The following RNFT2 variants were observed in gnomAD, a reference collection of about 807,000 sequenced individuals.
RNFT2 encodes E3 ubiquitin-protein ligase RNFT2.
Under a neutral mutation model 53.0 loss-of-function variants are expected in RNFT2, and 36 were observed. That is an observed-to-expected ratio of 0.68 (90% CI 0.52 to 0.90). The LOEUF (loss-of-function observed/expected upper bound fraction) is 0.90, where lower values mean the gene tolerates loss of function less well. Among genes scored for constraint, RNFT2 ranks in the 40% least tolerant of loss-of-function variants. The pLI is 0.00. For missense variants in RNFT2, 514 were observed against 585.6 expected, an observed-to-expected ratio of 0.88 and a Z score of 1.26; for synonymous variants, 260 against 253.2, an observed-to-expected ratio of 1.03 and a Z score of -0.26.
Position 116,810,555 on chromosome 12 carries a change from G to A in RNFT2, c.883-23237G>A, listed in dbSNP as rs147227760. 7.4e-3 allele frequency among the ~76,000 whole-genome samples: 1,126 copies of A among 152,250 alleles called. 10 individuals carry two copies. The highest frequency in any genetic ancestry group is 0.027 in the South Asian group (128 of 4,818). Reference sequence around the variant, plus strand: ...ATGAATTTGCTCACAGGGCAAAGCAGGGAGACTCACGTTCTTGGCTCCGAG... The same window carrying A: ...ATGAATTTGCTCACAGGGCAAAGCAAGGAGACTCACGTTCTTGGCTCCGAG... On this transcript the variant is annotated intron_variant, in intron 7 of 10. Coordinates refer to ENST00000257575, the MANE Select transcript of RNFT2 (RefSeq NM_001382266.1).
At chr12:116,743,244 ACCG>A (rs372135550) in intron 3 of RNFT2, among the ~76,000 whole-genome samples, 704 of 61,278 alleles carry the variant, frequency 0.011, 163 homozygotes, top group East Asian at 0.02. Context: ...AAAAAAAAAA[ACCG>A]GTTAAAAAAC....
Position 116,836,244 on chromosome 12 carries a change from CA to C in RNFT2, c.1163del (p.Gln388ArgfsTer8). ...TEAGDICAIC[Q>X]AEFREPLILL... ...AGCTGGTGACATCTGCGCCATCTGT[CA>C]GGCCGAGTTCCGAGAGCCTCTGATT... On this transcript the variant is annotated frameshift_variant, in exon 10 of 11. Transcript: ENST00000257575. LOFTEE classifies it high-confidence loss of function. 8 of 1,588,900 alleles carry C rather than the reference CA, an allele frequency of 5.0e-6. No homozygotes were observed. Among genetic ancestry groups the C allele is most frequent in the Non-Finnish European group, 6.9e-6 (8 of 1,167,660 alleles).
Position 116,853,047 on chromosome 12 carries a change from A to G in RNFT2, c.*3599A>G, listed in dbSNP as rs1878001309. On this transcript the variant is annotated 3_prime_UTR_variant, in exon 11 of 11. Coordinates refer to ENST00000257575, the MANE Select transcript of RNFT2 (RefSeq NM_001382266.1). ...TTAGGATTTTATTAGTGCATGCCCTACCCTCTGGGGGAACGTCCCATCTGA... is the reference window on the plus strand; with the variant it reads ...TTAGGATTTTATTAGTGCATGCCCTGCCCTCTGGGGGAACGTCCCATCTGA... 4.7e-6 allele frequency: 2 copies of G among 423,280 alleles called. No homozygotes were observed. Among genetic ancestry groups the G allele is most frequent in the Admixed American group, 4.1e-5 (1 of 24,232 alleles). The allele number at this position is 423,280 out of a possible 1,614,324, so 26.2% of individuals were successfully genotyped here. A position where few individuals can be genotyped will look rare whatever the true frequency, so the allele number is the denominator to read the frequency against.
At chr12:116,803,383 T>C (rs1874895622) in intron 7 of RNFT2, among the ~76,000 whole-genome samples, 1 of 152,230 alleles carries the variant, frequency 6.6e-6, no homozygotes, top group Non-Finnish European at 1.5e-5. Flanking sequence ...TTATAAAATA[T>C]TTCAACTATA....
chr12:116,754,041 G>A lies in RNFT2; in HGVS notation c.608G>A (p.Arg203Gln), dbSNP rs371710601. 1.5e-4 allele frequency: 239 copies of A among 1,613,606 alleles called. No homozygotes were observed. The highest frequency in any genetic ancestry group is 1.8e-4 in the Non-Finnish European group (213 of 1,179,816). ...TTCGCCTATGCCAACTCCACGCTTC[G>A]AGAACAGGTCTCACTGAAGGTGAGT... Reference protein sequence around the residue: ...STFAYANSTLREQVSLKEKRS... With the variant: ...STFAYANSTLQEQVSLKEKRS... The change falls in exon 5 of 11, where the codon CGA becomes CAA. Residue 203 changes from arginine (R) to glutamine (Q), a missense_variant. Arg to Gln is a conservative substitution (Grantham distance 43). Transcript: ENST00000257575.
chr12:116,825,926 G>A (rs61936726), intron 7 of RNFT2, among the ~76,000 whole-genome samples: 4,620 of 152,042 alleles, frequency 0.03, 108 homozygotes, highest in Non-Finnish European at 0.048. Context: ...GAAAAAATGT[G>A]TATAAAAGAG....
chr12:116,749,096 C>A (rs752083385), intron 3 of RNFT2, among the ~76,000 whole-genome samples: 2 of 152,234 alleles, frequency 1.3e-5, no homozygotes, highest in Non-Finnish European at 2.9e-5. Flanking sequence ...AAGTACCACA[C>A]CCCAGGGGGC....
intron 7 of RNFT2, among the ~76,000 whole-genome samples, chr12:116,798,003 A>G (rs1874586449): frequency 6.6e-6 from 1 of 152,156 alleles, no homozygotes; most frequent in South Asian, 2.1e-4. Flanking sequence ...TCCCTGTTCT[A>G]GCTAGCTCTC....
chr12:116,832,898 C>CTTTTTTTT (rs71095601), intron 7 of RNFT2, among the ~76,000 whole-genome samples: 16 of 84,772 alleles, frequency 1.9e-4, no homozygotes, highest in African/African-American at 2.4e-4. Context: ...AAGTCGTGTT[C>CTTTTTTTT]TTTTTTTTTT....
intron 10 of RNFT2, among the ~76,000 whole-genome samples, chr12:116,840,922 C>CTGTGTGTG (rs34358849): frequency 2.7e-5 from 4 of 149,020 alleles, no homozygotes; most frequent in African/African-American, 7.4e-5. Flanking sequence ...GGGTATGTGT[C>CTGTGTGTG]TGTGTGTGTG....
chr12:116,791,624 T>C (rs1254416559), intron 7 of RNFT2, among the ~76,000 whole-genome samples: 2 of 152,350 alleles, frequency 1.3e-5, no homozygotes, highest in Middle Eastern at 3.4e-3. Context: ...TTCCTTCTTA[T>C]GGCTAAATAA....
At chr12:116,847,918 T>A (rs1877701967) in intron 10 of RNFT2, among the ~76,000 whole-genome samples, 1 of 152,170 alleles carries the variant, frequency 6.6e-6, no homozygotes, top group Non-Finnish European at 1.5e-5. Context: ...ACGTGTGCCA[T>A]GGTGGTTTGC....
intron 7 of RNFT2, among the ~76,000 whole-genome samples, chr12:116,791,884 C>T (rs780712213): frequency 2.6e-5 from 4 of 152,042 alleles, no homozygotes; most frequent in African/African-American, 7.2e-5. Flanking sequence ...ACATGCCCAG[C>T]GGAAGAAAAT....
intron 5 of RNFT2, among the ~76,000 whole-genome samples, chr12:116,758,058 C>T (rs900561802): frequency 1.3e-5 from 2 of 152,154 alleles, no homozygotes; most frequent in South Asian, 4.1e-4. Flanking sequence ...TTGGACAAGG[C>T]CTTTTACCAT....
In RNFT2 at chr12:116,818,611, C is replaced by T. The variant is rs531287428; in HGVS notation, c.883-15181C>T. Among the ~76,000 whole-genome samples the T allele has an allele frequency of 2.2e-4, 34 of 152,260 alleles. 1 individual carries two copies. The South Asian group carries it at 5.2e-3, about 23-fold the overall frequency. ...GACCCTCTTCAACTGGGTTTGATGG[C>T]GACCCTGTCGGAGAGAGAAGGGAGG... is the stretch of plus-strand genomic sequence containing the variant. On this transcript the variant is annotated intron_variant, in intron 7 of 10. Coordinates refer to ENST00000257575, the MANE Select transcript of RNFT2 (RefSeq NM_001382266.1).
chr12:116,738,332 C>G lies in RNFT2; in HGVS notation c.-192C>G, dbSNP rs1871411563. ...GCGCGGGTGATTGGCTTGGCTGGAC[C>G]TGAATGATGCGGCTGTGATTGCTGA... is the stretch of plus-strand genomic sequence containing the variant. On this transcript the variant is annotated 5_prime_UTR_variant, in exon 1 of 11. Transcript: ENST00000257575. 1 of 152,836 alleles carries G rather than the reference C, an allele frequency of 6.5e-6. No homozygotes were observed. Among genetic ancestry groups the G allele is most frequent in the Admixed American group, 6.5e-5 (1 of 15,304 alleles). The allele number at this position is 152,836 out of a possible 1,614,324, so 9.5% of individuals were successfully genotyped here.
chr12:116,825,689 C>T (rs944242887), intron 7 of RNFT2, among the ~76,000 whole-genome samples: 44 of 152,278 alleles, frequency 2.9e-4, no homozygotes, highest in Admixed American at 2.9e-3. Flanking sequence ...CAAATCAGGG[C>T]CTTTTCTTTC....
At chr12:116,779,418 T>C (rs1441582612) in intron 7 of RNFT2, 70 bp downstream of exon 7, 1 of 1,548,618 alleles carries the variant, frequency 6.5e-7, no homozygotes, top group Non-Finnish European at 8.9e-7. Flanking sequence ...GGGTGCCTTC[T>C]GAGGAGGAAA....
rs557265745 is a variant in RNFT2, at chr12:116,845,873, A to G, written c.1201-3441A>G. Among the ~76,000 whole-genome samples the G allele has an allele frequency of 2.0e-5, 3 of 152,236 alleles. No individual in the cohort carries two copies. The South Asian group carries it at 6.2e-4, about 32-fold the overall frequency. ...AGTGCCTCAAACATCTTCCTATCTC[A>G]GGAGCTTTGCACAGGAGACTTCCTT... On this transcript the variant is annotated intron_variant, in intron 10 of 10. Coordinates refer to ENST00000257575, the MANE Select transcript of RNFT2 (RefSeq NM_001382266.1).
Sources: gnomAD v4.1 joint callset for allele counts (sites outside exome capture counted in the v4.1 genomes callset) on GRCh38, gnomAD v4.1.1 for gene constraint, MANE v1.5 for transcripts, NCBI Gene and HGNC (gene_info 2026-07-23, HGNC 2026-07-21) for gene names.